Variants in CACNB1 observed in about 807,000 individuals in gnomAD.
CACNB1 encodes the protein voltage-dependent L-type calcium channel subunit beta-1.
Under a neutral mutation model 71.6 loss-of-function variants are expected in CACNB1, and 29 were observed. The observed-to-expected ratio is 0.40, with a 90% confidence interval of 0.30 to 0.55. The LOEUF (loss-of-function observed/expected upper bound fraction) is 0.55. CACNB1 is among the 20% of genes least tolerant of loss of function. CACNB1 has a pLI of 0.38. For missense variants in CACNB1, 623 were observed against 801.8 expected (o/e 0.78, Z 2.69); for synonymous variants, 300 against 319.6 (o/e 0.94, Z 0.65).
intron 11 of CACNB1, among the ~76,000 whole-genome samples, chr17:39,182,127 T>C (rs1470335023): frequency 6.8e-6 from 1 of 146,988 alleles, no homozygotes; most frequent in Non-Finnish European, 1.5e-5. Context: ...ACCACTACAC[T>C]CCAGCCTGGG....
chr17:39,181,526 G>A (rs2045761512), intron 11 of CACNB1, among the ~76,000 whole-genome samples: 1 of 152,198 alleles, frequency 6.6e-6, no homozygotes, highest in Non-Finnish European at 1.5e-5. Flanking sequence ...GCCAGTAAGT[G>A]ACAGCCCTGG....
In CACNB1 at chr17:39,186,155, G is replaced by A; in HGVS notation, c.628+341C>T. ...GAGGAGGGAGGCGAGGTGGGGAGAA[G>A]GAGTGAGATGAACGTGGAGACACAA... On this transcript the variant is annotated intron_variant, in intron 6 of 13. Coordinates refer to ENST00000394303, the MANE Select transcript of CACNB1 (RefSeq NM_000723.5). This position sits in a 1 kb window ranked among gnomAD's most constrained non-coding sequence, Gnocchi z 4.1. 6.6e-7 allele frequency: 1 copy of A among 1,513,064 alleles called. No homozygotes were observed. Among genetic ancestry groups the A allele is most frequent in the Non-Finnish European group, 9.2e-7 (1 of 1,092,610 alleles). 93.7% of individuals were successfully genotyped at this position (1,513,064 alleles called of 1,614,324 possible).
chr17:39,180,001 G>A (rs1162054765), intron 11 of CACNB1, among the ~76,000 whole-genome samples: 5 of 151,888 alleles, frequency 3.3e-5, no homozygotes, highest in Non-Finnish European at 7.4e-5. Context: ...AGTGGCTCAC[G>A]CCTGTAATCC....
At chr17:39,179,251 A>G (rs540714640) in intron 11 of CACNB1, among the ~76,000 whole-genome samples, 2 of 141,568 alleles carry the variant, frequency 1.4e-5, no homozygotes, top group South Asian at 4.6e-4. Context: ...ACTGCACTCC[A>G]GCTTGGACAA....
At position 39,184,869 on chromosome 17, in the gene CACNB1, G is replaced by A. The variant is rs370248501; in HGVS notation, c.649-5C>T. 5.8e-5 allele frequency: 89 copies of A among 1,547,378 alleles called. No individual in the cohort carries two copies. The highest frequency in any genetic ancestry group is 1.7e-4 in the Middle Eastern group (1 of 5,944). On this transcript the variant is annotated splice_polypyrimidine_tract_variant and splice_region_variant and intron_variant, in intron 7 of 13. Coordinates refer to ENST00000394303, the MANE Select transcript of CACNB1 (RefSeq NM_000723.5). ...ATAGGGGGGCACATGCTCTGTCTGG[G>A]GGGGGAAGCAGGGAGGGGAAACCCC...
At position 39,177,446 on chromosome 17, in the gene CACNB1, T is replaced by C. The variant is rs911851661; in HGVS notation, c.1236A>G (p.Thr412=). 2.9e-5 allele frequency: 46 copies of C among 1,613,502 alleles called. No homozygotes were observed. The highest frequency in any genetic ancestry group is 1.6e-4 in the Middle Eastern group (1 of 6,084). The change falls in exon 13 of 14, where the codon ACA becomes ACG. Residue 412 remains threonine (T), a synonymous_variant. Coordinates refer to ENST00000394303, the MANE Select transcript of CACNB1 (RefSeq NM_000723.5). ...TGGGTGGCGTGCTGCTGGGCGGGTGTGTGGCCTTCCAATAGGCTTCCAAGT... is the reference window on the plus strand; with the variant it reads ...TGGGTGGCGTGCTGCTGGGCGGGTGCGTGGCCTTCCAATAGGCTTCCAAGT... ...AEYLEAYWKA[T]HPPSSTPPNP...
chr17:39,180,014 A>G (rs11650475), intron 11 of CACNB1, among the ~76,000 whole-genome samples: 2,426 of 151,438 alleles, frequency 0.016, 67 homozygotes, highest in African/African-American at 0.055. Context: ...TGTAATCCCT[A>G]CACTTTGGGA....
At position 39,173,709 on chromosome 17, in the gene CACNB1, C is replaced by G. The variant is rs2045512997; in HGVS notation, c.*1484G>C. 6.6e-6 allele frequency: 1 copy of G among 152,434 alleles called. No individual in the cohort carries two copies. Among genetic ancestry groups the G allele is most frequent in the African/African-American group, 2.4e-5 (1 of 41,438 alleles). 9.4% of individuals were successfully genotyped at this position (152,434 alleles called of 1,614,324 possible). ...GGGCACAACATCTTCAGGCACCCAC[C>G]CTTTCAACTCCCCGTGCATATCAGC... On this transcript the variant is annotated 3_prime_UTR_variant, in exon 14 of 14. Coordinates refer to ENST00000394303, the MANE Select transcript of CACNB1 (RefSeq NM_000723.5).
intron 3 of CACNB1, among the ~76,000 whole-genome samples, chr17:39,189,494 C>CTGTTT (rs887165516): frequency 5.9e-5 from 9 of 151,726 alleles, no homozygotes; most frequent in Non-Finnish European, 1.2e-4. Context: ...GAGATCCTGT[C>CTGTTT]TGTTTTGTTT....
chr17:39,177,363 A>G lies in CACNB1; in HGVS notation c.1319T>C (p.Val440Ala), dbSNP rs747153787. Reference sequence around the variant, plus strand: ...GAGCACCTGTACCTGGAGGTTGGAGACAGGGGCAGGGCTGGCAGCCAGGGC... The same window carrying G: ...GAGCACCTGTACCTGGAGGTTGGAGGCAGGGGCAGGGCTGGCAGCCAGGGC... ...TAALAASPAPVSNLQGPYLAS... is the reference protein window; with the variant it reads ...TAALAASPAPASNLQGPYLAS... The change falls in exon 13 of 14, where the codon GTC becomes GCC. Residue 440 changes from valine to alanine, a missense_variant. Coordinates refer to ENST00000394303, the MANE Select transcript of CACNB1 (RefSeq NM_000723.5). 3 of 1,613,272 alleles carry G rather than the reference A, an allele frequency of 1.9e-6. No individual in the cohort carries two copies. The highest frequency in any genetic ancestry group is 3.3e-5 in the Admixed American group (2 of 59,880).
At chr17:39,184,304 G>C (rs762467500) in intron 9 of CACNB1, 21 bp downstream of exon 9, 55 of 1,510,966 alleles carry the variant, frequency 3.6e-5, no homozygotes, top group Non-Finnish European at 4.5e-5. Flanking sequence ...CAGGTGCGAG[G>C]AGCAGCTCCC....
At chr17:39,187,220 C>T (rs1030281432) in intron 4 of CACNB1, 12 of 599,644 alleles carry the variant, frequency 2.0e-5, no homozygotes, top group African/African-American at 3.7e-5. Flanking sequence ...GGAGTAAATG[C>T]GGATACCTAC....
chr17:39,175,944 C>T lies in CACNB1; in HGVS notation c.1333-287G>A, dbSNP rs1043937403. On this transcript the variant is annotated intron_variant, in intron 13 of 13. Coordinates refer to ENST00000394303, the MANE Select transcript of CACNB1 (RefSeq NM_000723.5). The surrounding 1 kb of genome is among the most constrained non-coding windows in gnomAD (Gnocchi z 4.7). ...CCAACAGCCGTGAGCCATGAGTCAC[C>T]GCTTCCTCAGTGCAGGTCATTAATG... 1.3e-5 allele frequency among the ~76,000 whole-genome samples: 2 copies of T among 152,168 alleles called. No individual in the cohort carries two copies. Among genetic ancestry groups the T allele is most frequent in the Non-Finnish European group, 2.9e-5 (2 of 68,034 alleles).
chr17:39,188,478 G>A (rs764565038), intron 3 of CACNB1, among the ~76,000 whole-genome samples: 10 of 152,126 alleles, frequency 6.6e-5, no homozygotes, highest in Non-Finnish European at 1.5e-4. Flanking sequence ...GGAAGGCTGA[G>A]GCAGGAGAAT....
Position 39,186,580 on chromosome 17 carries a change from G to A in CACNB1, c.552-8C>T, listed in dbSNP as rs2045946424. The A allele has an allele frequency of 1.9e-6, 3 of 1,612,594 alleles. No homozygotes were observed. Among genetic ancestry groups the A allele is most frequent in the Non-Finnish European group, 2.5e-6 (3 of 1,178,988 alleles). ...GAGTTATCGCCTGATTTGCTGTGTG[G>A]GCAGAGGCAAACCGAGCTTGTGAGC... On this transcript the variant is annotated splice_polypyrimidine_tract_variant and splice_region_variant and intron_variant, in intron 5 of 13. Transcript: ENST00000394303. This position sits in a 1 kb window ranked among gnomAD's most constrained non-coding sequence, Gnocchi z 4.1.
chr17:39,184,070 G>T lies in CACNB1; in HGVS notation c.859C>A (p.His287Asn), dbSNP rs775676025. Residue 287 changes from histidine to asparagine, a missense_variant, in exon 10 of 14, where the codon CAC becomes AAC. Coordinates refer to ENST00000394303, the MANE Select transcript of CACNB1 (RefSeq NM_000723.5). ...GTGTTGGAGCGCTCAATGATGATGT[G>T]TTTGCTGGGGTTGTTGAGAACTGAG... Reference protein sequence around the residue: ...KRSVLNNPSKHIIIERSNTRS... With the variant: ...KRSVLNNPSKNIIIERSNTRS... The T allele has an allele frequency of 6.2e-7, 1 of 1,613,492 alleles. No homozygotes were observed. Among genetic ancestry groups the T allele is most frequent in the Admixed American group, 1.7e-5 (1 of 59,974 alleles).
chr17:39,196,537 G>C (rs1369366913), intron 1 of CACNB1, among the ~76,000 whole-genome samples: 3 of 152,146 alleles, frequency 2.0e-5, no homozygotes, highest in African/African-American at 4.8e-5. Context: ...AGTAACAGAA[G>C]AGTTAATGCT....
At chr17:39,195,103 C>T (rs1597719934) in intron 1 of CACNB1, 133 bp from the exon 2 acceptor site, 1 of 627,578 alleles carries the variant, frequency 1.6e-6, no homozygotes, top group East Asian at 2.8e-5. Flanking sequence ...CTGCACATTC[C>T]TCCTGAGGTG....
Position 39,197,638 on chromosome 17 carries a change from T to G in CACNB1, c.-143A>C, listed in dbSNP as rs1176822057. The G allele has an allele frequency of 3.4e-6, 2 of 587,620 alleles. No homozygotes were observed. The highest frequency in any genetic ancestry group is 5.8e-6 in the Non-Finnish European group (2 of 343,472). 36.4% of individuals were successfully genotyped at this position (587,620 alleles called of 1,614,324 possible). A position where few individuals can be genotyped will look rare whatever the true frequency, so the allele number is the denominator to read the frequency against. On this transcript the variant is annotated 5_prime_UTR_variant, in exon 1 of 14. Transcript: ENST00000394303. ...GCTCGGCCTTCGGCTGCCTCCTTCC[T>G]GCCTTCCCTCGCTCCTCCCGCTCTC...
Sources: allele counts gnomAD v4.1 joint callset (sites outside exome capture counted in the v4.1 genomes callset), GRCh38; gene constraint gnomAD v4.1.1; non-coding constraint Gnocchi (gnomAD v3.1); transcripts MANE v1.5; gene names NCBI Gene and HGNC (gene_info 2026-07-23, HGNC 2026-07-21).